The following BCL11B variants were observed in gnomAD, a reference collection of about 807,000 sequenced individuals.
BCL11B encodes the protein B-cell lymphoma/leukemia 11B.
A neutral mutation model predicts 49.9 loss-of-function variants in BCL11B; 8 were observed. The observed-to-expected ratio is 0.16, with a 90% CI of 0.09 to 0.29. BCL11B has a LOEUF of 0.29. BCL11B is among the 10% of genes least tolerant of loss of function. The pLI is 1.00. For missense variants in BCL11B, 1,006 were observed against 1,351.0 expected (o/e 0.74, Z 4.00); for synonymous variants, 739 against 637.4 (o/e 1.16, Z -2.40).
intron 3 of BCL11B, among the ~76,000 whole-genome samples, chr14:99,223,861 G>A (rs557060080): frequency 6.6e-6 from 1 of 152,322 alleles, no homozygotes; most frequent in African/African-American, 2.4e-5. Flanking sequence ...CCTGAGATCT[G>A]CTCTTGAGCT....
chr14:99,175,090 G>T lies in BCL11B; in HGVS notation c.1746C>A (p.Gly582=). The T allele has an allele frequency of 6.3e-7, 1 of 1,599,044 alleles. No homozygotes were observed. ...TCTCGTCAGCCAGCGCCTTGGCCGCGCCGCCCCCCGCGCCCGGGACCCCGG... is the reference window on the plus strand; with the variant it reads ...TCTCGTCAGCCAGCGCCTTGGCCGCTCCGCCCCCCGCGCCCGGGACCCCGG... The part of the protein sequence containing the change: ...GVPGVPGAGG[G]AAKALADEKA... The change falls in exon 4 of 4, where the codon GGC becomes GGA. Residue 582 remains glycine, a synonymous_variant. Transcript: ENST00000357195.
Position 99,231,889 on chromosome 14 carries a change from G to A in BCL11B, c.428-332C>T, listed in dbSNP as rs903862679. ...CCCACTCTCAGGAAGGACCCCCCAC[G>A]TGGGGGCCTCTGGAGCAATCAAATA... On this transcript the variant is annotated intron_variant, in intron 2 of 3. Transcript: ENST00000357195. The surrounding 1 kb of genome is among the most constrained non-coding windows in gnomAD (Gnocchi z 8.1). 2.6e-5 allele frequency among the ~76,000 whole-genome samples: 4 copies of A among 151,978 alleles called. No individual in the cohort carries two copies. Among genetic ancestry groups the A allele is most frequent in the African/African-American group, 7.2e-5 (3 of 41,402 alleles).
intron 2 of BCL11B, among the ~76,000 whole-genome samples, chr14:99,238,910 G>GT (rs770417422): frequency 1.1e-4 from 16 of 152,214 alleles, no homozygotes; most frequent in Admixed American, 5.9e-4. Flanking sequence ...ACAACAGAAG[G>GT]TGAAGCCATG....
rs577899224 is a variant in BCL11B at position 99,197,306 on chromosome 14, C to G, written c.641-21111G>C. The stretch of plus-strand genomic sequence containing the variant: ...ACACCTACAGGGACCCAGTGTGTGC[C>G]AGACACTGCTCTAGGGCCTAAAGAC... On this transcript the variant is annotated intron_variant, in intron 3 of 3. Transcript: ENST00000357195. Among the ~76,000 whole-genome samples the G allele has an allele frequency of 9.2e-5, 14 of 152,262 alleles. 2 individuals carry two copies. The South Asian group carries it at 2.9e-3, about 32-fold the overall frequency.
At chr14:99,202,597 A>G (rs1887417613) in intron 3 of BCL11B, among the ~76,000 whole-genome samples, 1 of 151,918 alleles carries the variant, frequency 6.6e-6, no homozygotes, top group Admixed American at 6.6e-5. Flanking sequence ...CTGAGGACTC[A>G]TGGGGATGGG....
In BCL11B at chr14:99,265,073, A is replaced by C. The variant is rs530877156; in HGVS notation, c.58+6088T>G. On this transcript the variant is annotated intron_variant, in intron 1 of 3. Coordinates refer to ENST00000357195, the MANE Select transcript of BCL11B (RefSeq NM_138576.4). ...ATGGCCTGAGTCAAAAGAGTGCCGC[A>C]CAGGACCTCAGGCCAAATGGCCTGA... Among the ~76,000 whole-genome samples the C allele has an allele frequency of 4.2e-4, 64 of 152,308 alleles. 1 individual carries two copies. Among genetic ancestry groups the C allele is most frequent in the Middle Eastern group, 3.4e-3 (1 of 294 alleles).
intron 3 of BCL11B, among the ~76,000 whole-genome samples, chr14:99,223,254 T>C (rs143402631): frequency 2.5e-4 from 38 of 152,358 alleles, no homozygotes; most frequent in East Asian, 9.6e-4. Context: ...ATGGAAGATA[T>C]TGGCACTCTC....
Position 99,241,321 on chromosome 14 carries a change from C to G in BCL11B, c.428-9764G>C, listed in dbSNP as rs2139915629. 6.6e-6 allele frequency among the ~76,000 whole-genome samples: 1 copy of G among 152,142 alleles called. No homozygotes were observed. Among genetic ancestry groups the G allele is most frequent in the South Asian group, 2.1e-4 (1 of 4,816 alleles). ...AGAGGCGGGGAGGCCTCCGGGGCCA[C>G]TCTTACACATAAACAATCATAGTGT... On this transcript the variant is annotated intron_variant, in intron 2 of 3. Transcript: ENST00000357195. This position sits in a 1 kb window ranked among gnomAD's most constrained non-coding sequence, Gnocchi z 4.4.
At chr14:99,215,865 C>G (rs909698248) in intron 3 of BCL11B, among the ~76,000 whole-genome samples, 1 of 152,120 alleles carries the variant, frequency 6.6e-6, no homozygotes, top group African/African-American at 2.4e-5. Flanking sequence ...AAAGAGACCT[C>G]AAATACACAC....
In BCL11B at chr14:99,257,853, G is replaced by C; in HGVS notation, c.59-14C>G. 1 of 1,504,764 alleles carries C rather than the reference G, an allele frequency of 6.6e-7. No homozygotes were observed. Among genetic ancestry groups the C allele is most frequent in the Non-Finnish European group, 8.9e-7 (1 of 1,124,224 alleles). 93.2% of individuals were successfully genotyped at this position (1,504,764 alleles called of 1,614,324 possible). On this transcript the variant is annotated splice_polypyrimidine_tract_variant and intron_variant, in intron 1 of 3. Transcript: ENST00000357195. This position sits in a 1 kb window ranked among gnomAD's most constrained non-coding sequence, Gnocchi z 6.2. Reference sequence around the variant, plus strand: ...GGTCAGCCTCTGCTGGAGACAGAAAGAAGAAAGGGAAGGGGCAGAGAAGAT... The same window carrying C: ...GGTCAGCCTCTGCTGGAGACAGAAACAAGAAAGGGAAGGGGCAGAGAAGAT...
chr14:99,187,778 T>TTCCTCCTCCTCCTCCTCC (rs11281373), intron 3 of BCL11B, among the ~76,000 whole-genome samples: 1 of 150,398 alleles, frequency 6.6e-6, no homozygotes, highest in Non-Finnish European at 1.5e-5. Flanking sequence ...CATGCAGGCC[T>TTCCTCCTCCTCCTCCTCC]TCCTCCTCCT....
In BCL11B at chr14:99,170,541, G is replaced by A. The variant is rs1886254909; in HGVS notation, c.*3610C>T. The A allele has an allele frequency of 4.3e-6, 1 of 230,012 alleles. No homozygotes were observed. The highest frequency in any genetic ancestry group is 8.6e-6 in the Non-Finnish European group (1 of 116,286). The allele number at this position is 230,012 out of a possible 1,614,324, so 14.2% of individuals were successfully genotyped here. A position where few individuals can be genotyped will look rare whatever the true frequency, so the allele number is the denominator to read the frequency against. ...AAAATAGAGGATTAGGGGAGGAACA[G>A]ACAGGAAGAAAAGAAATTAAATAAA... On this transcript the variant is annotated 3_prime_UTR_variant, in exon 4 of 4. Transcript: ENST00000357195.
At position 99,175,699 on chromosome 14, in the gene BCL11B, G is replaced by C. The variant is rs753480029; in HGVS notation, c.1137C>G (p.Pro379=). Residue 379 remains proline (P), a synonymous_variant, in exon 4 of 4, where the codon CCC becomes CCG. Coordinates refer to ENST00000357195, the MANE Select transcript of BCL11B (RefSeq NM_138576.4). The part of the protein sequence containing the change: ...ELAGNSSTPP[P]VSPGRGNPMH... ...TAGGGTTGCCGCGGCCCGGGGACAC[G>C]GGCGGCGGCGTGGAGCTGTTGCCCG... 27 of 1,510,988 alleles carry C rather than the reference G, an allele frequency of 1.8e-5. No individual in the cohort carries two copies. The African/African-American group carries it at 3.9e-4, about 22-fold the overall frequency. The allele number at this position is 1,510,988 out of a possible 1,614,324, so 93.6% of individuals were successfully genotyped here. A position where few individuals can be genotyped will look rare whatever the true frequency, so the allele number is the denominator to read the frequency against.
intron 2 of BCL11B, among the ~76,000 whole-genome samples, chr14:99,240,413 A>AC (rs1474028898): frequency 6.6e-6 from 1 of 152,120 alleles, no homozygotes; most frequent in East Asian, 1.9e-4. Flanking sequence ...CTTATAGAAG[A>AC]CCGAGGTTCA....
intron 3 of BCL11B, among the ~76,000 whole-genome samples, chr14:99,193,996 T>G (rs1887110278): frequency 6.6e-6 from 1 of 152,160 alleles, no homozygotes; most frequent in South Asian, 2.1e-4. Flanking sequence ...CCAATGCTTG[T>G]CAATATGAAT....
chr14:99,268,224 G>C (rs1157256045), intron 1 of BCL11B, among the ~76,000 whole-genome samples: 3 of 152,094 alleles, frequency 2.0e-5, no homozygotes, highest in Non-Finnish European at 4.4e-5. Context: ...GGCCCTGTCT[G>C]TAAATTTAAC....
chr14:99,252,329 G>A (rs1366837320), intron 2 of BCL11B, among the ~76,000 whole-genome samples: 3 of 152,208 alleles, frequency 2.0e-5, no homozygotes, highest in South Asian at 2.1e-4. Context: ...GGCAACCTGC[G>A]AGTGGGGTTT....
rs1451297099 is a variant in BCL11B, at chr14:99,272,054, C to A, written c.-836G>T. On this transcript the variant is annotated 5_prime_UTR_variant, in exon 1 of 4. Coordinates refer to ENST00000357195, the MANE Select transcript of BCL11B (RefSeq NM_138576.4). The surrounding 1 kb of genome is among the most constrained non-coding windows in gnomAD (Gnocchi z 6.0). ...CGAGCGCTCCCCAGCGCTCCCCTGG[C>A]GCCGCGGGCCCGGGGGGAGCGGGGC... Among the ~76,000 whole-genome samples, 1 of 151,914 alleles carries A rather than the reference C, an allele frequency of 6.6e-6. No homozygotes were observed. The highest frequency in any genetic ancestry group is 1.5e-5 in the Non-Finnish European group (1 of 67,960).
In BCL11B at chr14:99,172,682, A is replaced by T. The variant is rs931360346; in HGVS notation, c.*1469T>A. The T allele has an allele frequency of 7.4e-5, 16 of 215,838 alleles. No individual in the cohort carries two copies. The highest frequency in any genetic ancestry group is 2.8e-3 in the Middle Eastern group (2 of 714). The allele number at this position is 215,838 out of a possible 1,614,324, so 13.4% of individuals were successfully genotyped here. On this transcript the variant is annotated 3_prime_UTR_variant, in exon 4 of 4. Transcript: ENST00000357195. ...ACACTCAATCTCAGCTGTCCCTTACAGTTTAACCCACCTCTGGGCCAAAGA... is the reference window on the plus strand; with the variant it reads ...ACACTCAATCTCAGCTGTCCCTTACTGTTTAACCCACCTCTGGGCCAAAGA...
Sources: gnomAD v4.1 joint callset for allele counts (sites outside exome capture counted in the v4.1 genomes callset) on GRCh38, gnomAD v4.1.1 for gene constraint, Gnocchi (gnomAD v3.1) non-coding constraint, MANE v1.5 for transcripts, NCBI Gene and HGNC (gene_info 2026-07-23, HGNC 2026-07-21) for gene names.